HDAC8: variants seen among roughly 807,000 people sequenced by gnomAD.
HDAC8 encodes the protein histone deacetylase-like 1.
Under a neutral mutation model 32.2 loss-of-function variants are expected in HDAC8, and 1 was observed. The observed-to-expected ratio is 0.03, with a 90% CI of 0.01 to 0.15. The LOEUF is 0.15. HDAC8 is among the 10% of genes least tolerant of loss of function. The pLI, the probability that HDAC8 is intolerant of heterozygous loss-of-function variation, is 1.00. For synonymous variants in HDAC8, 108 were observed against 113.9 expected (o/e 0.95, Z 0.33); for missense variants, 117 against 300.0 (o/e 0.39, Z 4.51).
At chrX:72,474,575 C>T (rs1336754307) in intron 7 of HDAC8, 12 of 1,176,838 alleles carry the variant, frequency 1.0e-5, no homozygotes, top group Non-Finnish European at 1.3e-5. Flanking sequence ...TCCCTATAAA[C>T]ATACAAGATA....
intron 9 of HDAC8, among the ~76,000 whole-genome samples, chrX:72,424,349 T>C (rs905549770): frequency 2.7e-5 from 3 of 111,741 alleles, no homozygotes; most frequent in Non-Finnish European, 5.6e-5. Flanking sequence ...GTCTGGAAAG[T>C]TGTATCCTCA....
At chrX:72,335,399 A>G (rs1296734070) in intron 10 of HDAC8, among the ~76,000 whole-genome samples, 18 of 111,873 alleles carry the variant, frequency 1.6e-4, no homozygotes, top group African/African-American at 5.9e-4. Context: ...TTACAGTCAT[A>G]TGGTTAGAAT....
intron 9 of HDAC8, among the ~76,000 whole-genome samples, chrX:72,414,134 A>G (rs1264431037): frequency 5.3e-5 from 6 of 112,363 alleles, no homozygotes. Context: ...TACCCATTAA[A>G]TTACAGCAAT....
intron 9 of HDAC8, among the ~76,000 whole-genome samples, chrX:72,394,947 A>G (rs2045720262): frequency 9.0e-6 from 1 of 111,549 alleles, no homozygotes; most frequent in Non-Finnish European, 1.9e-5. Context: ...GACTGCAGCC[A>G]CCCTTGGCAA....
chrX:72,532,249 ATTTTTTTTTT>A (rs34829256), intron 4 of HDAC8, among the ~76,000 whole-genome samples: 6 of 54,193 alleles, frequency 1.1e-4, no homozygotes, highest in African/African-American at 3.1e-4. Flanking sequence ...CGTGTTGGGC[ATTTTTTTTTT>A]TTTTTTTTTT....
chrX:72,330,156 G>T lies in HDAC8; in HGVS notation c.1112-80C>A, dbSNP rs1365728044. 5.7e-6 allele frequency: 5 copies of T among 874,001 alleles called. No individual in the cohort carries two copies. The African/African-American group carries it at 9.9e-5, about 17-fold the overall frequency. The allele number at this position is 874,001 out of a possible 1,213,427, so 72.0% of individuals were successfully genotyped here. ...CCCCAATAGAGCTATTTTTTAAAAAGCACTTATATTTTGGGGCTTATTCTC... is the reference window on the plus strand; with the variant it reads ...CCCCAATAGAGCTATTTTTTAAAAATCACTTATATTTTGGGGCTTATTCTC... On this transcript the variant is annotated intron_variant, in intron 10 of 10. Coordinates refer to ENST00000373573, the MANE Select transcript of HDAC8 (RefSeq NM_018486.3).
At position 72,438,097 on chromosome X, in the gene HDAC8, G is replaced by A. The variant is rs782119027; in HGVS notation, c.1005+23907C>T. 6.3e-5 allele frequency among the ~76,000 whole-genome samples: 7 copies of A among 111,963 alleles called. No homozygotes were observed. The South Asian group carries it at 1.1e-3, about 18-fold the overall frequency. On this transcript the variant is annotated intron_variant, in intron 9 of 10. Transcript: ENST00000373573. ...CAGACATCTCATACAGGAGAACTCC[G>A]GCTGGCATCTGGCAGGGGCCCCTCT...
intron 9 of HDAC8, among the ~76,000 whole-genome samples, chrX:72,408,894 G>T (rs994469856): frequency 8.1e-5 from 9 of 111,526 alleles, no homozygotes; most frequent in Non-Finnish European, 1.1e-4. Flanking sequence ...ACTTAAGCCT[G>T]GTATTGAGGA....
intron 4 of HDAC8, among the ~76,000 whole-genome samples, chrX:72,557,089 G>C (rs1367664608): frequency 9.0e-6 from 1 of 111,277 alleles, no homozygotes; most frequent in Non-Finnish European, 1.9e-5. Context: ...GGTGGTGGGA[G>C]CCTGTAGGGA....
At chrX:72,401,509 T>C (rs948426808) in intron 9 of HDAC8, among the ~76,000 whole-genome samples, 10 of 112,290 alleles carry the variant, frequency 8.9e-5, no homozygotes, top group Admixed American at 9.4e-5. Context: ...ATTACAGGCA[T>C]GAGCCACTGT....
chrX:72,491,639 A>G (rs1168834032), intron 5 of HDAC8, among the ~76,000 whole-genome samples: 1 of 112,052 alleles, frequency 8.9e-6, no homozygotes, highest in African/African-American at 3.2e-5. Flanking sequence ...TAGCAGCCTT[A>G]TAAGAGTGTT....
intron 9 of HDAC8, among the ~76,000 whole-genome samples, chrX:72,451,425 G>A (rs782440300): frequency 1.8e-5 from 2 of 112,027 alleles, no homozygotes; most frequent in Non-Finnish European, 3.8e-5. Flanking sequence ...TCAAACTCCT[G>A]GCTTCAAGTG....
chrX:72,447,271 C>T (rs1330909266), intron 9 of HDAC8, among the ~76,000 whole-genome samples: 16 of 112,149 alleles, frequency 1.4e-4, no homozygotes, highest in Non-Finnish European at 2.4e-4. Context: ...TGGGATGCAA[C>T]GCTGGTTCAG....
chrX:72,407,540 G>A (rs1328824475), intron 9 of HDAC8, among the ~76,000 whole-genome samples: 3 of 111,759 alleles, frequency 2.7e-5, no homozygotes, highest in Non-Finnish European at 5.6e-5. Flanking sequence ...GCTGAACTAA[G>A]GAAAAGTCTC....
chrX:72,336,036 A>C (rs1222149382), intron 10 of HDAC8, among the ~76,000 whole-genome samples: 1 of 111,956 alleles, frequency 8.9e-6, no homozygotes, highest in Non-Finnish European at 1.9e-5. Context: ...CATTTGGGTA[A>C]TTACTAAGGA....
At position 72,572,815 on chromosome X, in the gene HDAC8, T is replaced by C. The variant is rs1556169235; in HGVS notation, c.-54A>G. 2 of 1,010,843 alleles carry C rather than the reference T, an allele frequency of 2.0e-6. No individual in the cohort carries two copies. The highest frequency in any genetic ancestry group is 4.4e-5 in the Admixed American group (2 of 45,361). 83.3% of individuals were successfully genotyped at this position (1,010,843 alleles called of 1,213,427 possible). A position where few individuals can be genotyped will look rare whatever the true frequency, so the allele number is the denominator to read the frequency against. On this transcript the variant is annotated 5_prime_UTR_variant, in exon 1 of 11. Transcript: ENST00000373573. The stretch of plus-strand genomic sequence containing the variant: ...CTTCCAGATCTGGCTTTTTTCGGAC[T>C]CGGCCAGGGTTCCAGTTCCTGCTCC...
chrX:72,453,464 T>TAAATAAAGAAAGAAAG (rs79152861), intron 9 of HDAC8, among the ~76,000 whole-genome samples: 27 of 67,256 alleles, frequency 4.0e-4, no homozygotes, highest in African/African-American at 1.3e-3. Context: ...CTCTTAAAAA[T>TAAATAAAGAAAGAAAG]AAAGAAAGAA....
At chrX:72,560,406 C>T (rs1319174237) in intron 4 of HDAC8, among the ~76,000 whole-genome samples, 4 of 107,930 alleles carry the variant, frequency 3.7e-5, no homozygotes, top group Non-Finnish European at 1.9e-5. Context: ...TCTCAAGTAC[C>T]CAGGGACACA....
intron 9 of HDAC8, among the ~76,000 whole-genome samples, chrX:72,419,922 G>A (rs187901367): frequency 1.5e-3 from 164 of 111,025 alleles, no homozygotes; most frequent in African/African-American, 4.9e-3. Context: ...ATTTTATTAC[G>A]TTAAATGAAC....
Sources: gnomAD v4.1 joint callset for allele counts (sites outside exome capture counted in the v4.1 genomes callset) on GRCh38, gnomAD v4.1.1 for gene constraint, MANE v1.5 for transcripts, NCBI Gene and HGNC (gene_info 2026-07-23, HGNC 2026-07-21) for gene names.